The following EXOC6 variants were observed in gnomAD, a reference collection of about 807,000 sequenced individuals.
The protein encoded by EXOC6 is exocyst complex component 6, also known as SEC15-like 1.
Under a neutral mutation model 112.5 loss-of-function variants are expected in EXOC6, and 60 were observed. The ratio of observed to expected loss-of-function variants is 0.53; its 90% CI spans 0.43 to 0.66. The LOEUF (loss-of-function observed/expected upper bound fraction) is 0.66, where lower values mean the gene tolerates loss of function less well. Among genes scored for constraint, EXOC6 ranks in the 30% least tolerant of loss-of-function variants. EXOC6 has a pLI of 0.00. For missense variants in EXOC6, 855 were observed against 957.1 expected (o/e 0.89, Z 1.41); for synonymous variants, 295 against 308.0 (o/e 0.96, Z 0.44).
chr10:92,858,028 C>CCA (rs1171047479), intron 1 of EXOC6, among the ~76,000 whole-genome samples: 1 of 138,968 alleles, frequency 7.2e-6, no homozygotes, highest in African/African-American at 2.7e-5. Context: ...GGGTTCCCCC[C>CCA]CTCCGCCGGC....
chr10:93,052,960 A>G (rs937989836), intron 20 of EXOC6, among the ~76,000 whole-genome samples: 2 of 152,208 alleles, frequency 1.3e-5, no homozygotes, highest in African/African-American at 4.8e-5. Flanking sequence ...TGTGTGATTA[A>G]TAACAAACAT....
chr10:92,989,267 C>T (rs1370176737), intron 18 of EXOC6, among the ~76,000 whole-genome samples: 11 of 152,022 alleles, frequency 7.2e-5, no homozygotes, highest in South Asian at 2.1e-4. Context: ...TTGTATAAAG[C>T]GTATAAAAGT....
intron 6 of EXOC6, among the ~76,000 whole-genome samples, chr10:92,911,920 T>TGTG (rs1246446393): frequency 1.5e-4 from 20 of 130,130 alleles, no homozygotes; most frequent in African/African-American, 5.1e-4. Flanking sequence ...TCTCTCTCTC[T>TGTG]CTCTCTCTCT....
At chr10:93,047,470 A>C (rs1846049799) in intron 20 of EXOC6, among the ~76,000 whole-genome samples, 1 of 152,126 alleles carries the variant, frequency 6.6e-6, no homozygotes, top group Non-Finnish European at 1.5e-5. Context: ...CAGGAGGCAG[A>C]GGTTGCAGTG....
chr10:92,928,648 T>TA (rs566205385), intron 9 of EXOC6, among the ~76,000 whole-genome samples: 2,147 of 139,240 alleles, frequency 0.015, 30 homozygotes, highest in Middle Eastern at 0.033. Flanking sequence ...ACAGCGAATT[T>TA]AAAAAAAAAA....
intron 8 of EXOC6, among the ~76,000 whole-genome samples, chr10:92,924,565 TTC>T (rs1340756751): frequency 6.6e-6 from 1 of 152,232 alleles, no homozygotes; most frequent in Non-Finnish European, 1.5e-5. Flanking sequence ...GCATATACCA[TTC>T]TCTTTTGTTA....
rs547504049 is a variant in EXOC6 at position 93,045,126 on chromosome 10, C to T, written c.2170-11798C>T. On this transcript the variant is annotated intron_variant, in intron 20 of 21. Coordinates refer to ENST00000260762, the MANE Select transcript of EXOC6 (RefSeq NM_019053.6). ...GGCCTCAAGTGATCTGCCGCCTCAGCCTCCTAAAGTGCTGGGATTACAGGC... is the reference window on the plus strand; with the variant it reads ...GGCCTCAAGTGATCTGCCGCCTCAGTCTCCTAAAGTGCTGGGATTACAGGC... Among the ~76,000 whole-genome samples the T allele has an allele frequency of 2.0e-5, 3 of 152,356 alleles. No individual in the cohort carries two copies. The South Asian group carries it at 6.2e-4, about 32-fold the overall frequency.
chr10:93,024,982 A>G (rs1016546009), intron 20 of EXOC6, among the ~76,000 whole-genome samples: 2 of 152,164 alleles, frequency 1.3e-5, no homozygotes, highest in Non-Finnish European at 2.9e-5. Flanking sequence ...GACATAGAAA[A>G]AATACAAATT....
chr10:92,844,210 G>A (rs1362697725), upstream of EXOC6, among the ~76,000 whole-genome samples: 1 of 151,526 alleles, frequency 6.6e-6, no homozygotes, highest in Non-Finnish European at 1.5e-5. Flanking sequence ...AGCTTAATAC[G>A]ACAAGTATTT....
At chr10:93,054,497 C>A (rs1846456640) in intron 20 of EXOC6, among the ~76,000 whole-genome samples, 1 of 152,160 alleles carries the variant, frequency 6.6e-6, no homozygotes, top group Non-Finnish European at 1.5e-5. Flanking sequence ...TACATATGGG[C>A]AGGTAGGTTT....
intron 1 of EXOC6, among the ~76,000 whole-genome samples, chr10:92,892,955 T>C (rs141352011): frequency 6.6e-6 from 1 of 152,322 alleles, no homozygotes; most frequent in African/African-American, 2.4e-5. Flanking sequence ...AAAGAGTTAA[T>C]ATATAAAGCA....
chr10:92,997,711 G>T, intron 19 of EXOC6, 96 bp downstream of exon 19: 1 of 1,118,864 alleles, frequency 8.9e-7, no homozygotes, highest in East Asian at 2.9e-5. Context: ...AGAAAGGAGG[G>T]AGAAGGCCTG....
At chr10:92,923,017 G>T (rs1404765757) in intron 8 of EXOC6, among the ~76,000 whole-genome samples, 2 of 152,142 alleles carry the variant, frequency 1.3e-5, no homozygotes, top group Non-Finnish European at 1.5e-5. Context: ...TACTGTTGGT[G>T]CTCTGCTCAG....
At chr10:92,946,142 A>T (rs1048498779) in intron 13 of EXOC6, among the ~76,000 whole-genome samples, 5 of 152,102 alleles carry the variant, frequency 3.3e-5, no homozygotes, top group African/African-American at 1.2e-4. Context: ...AACAAAAAAA[A>T]AAAATTAGCT....
At chr10:92,852,152 C>A (rs752749726) in intron 1 of EXOC6, among the ~76,000 whole-genome samples, 2 of 152,126 alleles carry the variant, frequency 1.3e-5, no homozygotes, top group Non-Finnish European at 2.9e-5. Flanking sequence ...TTGAAAGATA[C>A]AAAGTATTAT....
At chr10:92,979,950 C>A (rs148181178) in intron 18 of EXOC6, among the ~76,000 whole-genome samples, 11 of 149,700 alleles carry the variant, frequency 7.3e-5, no homozygotes, top group African/African-American at 2.5e-4. Context: ...GATTAAAATA[C>A]CTATTCATCT....
At chr10:92,964,176 G>C (rs1342982548) in intron 17 of EXOC6, among the ~76,000 whole-genome samples, 1 of 151,424 alleles carries the variant, frequency 6.6e-6, no homozygotes, top group Non-Finnish European at 1.5e-5. Context: ...AGAATATAAA[G>C]AATAAAACAA....
chr10:92,868,682 TC>T (rs1391405279), intron 1 of EXOC6, among the ~76,000 whole-genome samples: 1 of 152,198 alleles, frequency 6.6e-6, no homozygotes, highest in Admixed American at 6.5e-5. Context: ...ACATGTTATG[TC>T]TTTCAAGAGA....
chr10:92,943,936 C>T (rs1852822092), intron 13 of EXOC6, among the ~76,000 whole-genome samples: 1 of 152,186 alleles, frequency 6.6e-6, no homozygotes, highest in Non-Finnish European at 1.5e-5. Context: ...AATCAGAAAT[C>T]AGGCTTCTCT....
Sources: gnomAD v4.1 joint callset for allele counts (sites outside exome capture counted in the v4.1 genomes callset) on GRCh38, gnomAD v4.1.1 for gene constraint, MANE v1.5 for transcripts, NCBI Gene and HGNC (gene_info 2026-07-23, HGNC 2026-07-21) for gene names.